Variants in DCUN1D1 observed in about 807,000 individuals in gnomAD.
DCUN1D1 encodes the protein defective in cullin neddylation 1 domain containing 1, also known as DCN1-like protein 1.
In DCUN1D1, 3 loss-of-function variants were observed where a neutral mutation model predicts 39.0. The ratio of observed to expected loss-of-function variants is 0.08; its 90% CI spans 0.04 to 0.20. The LOEUF (loss-of-function observed/expected upper bound fraction) is 0.20. Among genes scored for constraint, DCUN1D1 ranks in the 10% least tolerant of loss-of-function variants. DCUN1D1 has a pLI of 1.00. For missense variants in DCUN1D1, 158 were observed against 302.4 expected, an observed-to-expected ratio of 0.52 and a Z score of 3.54; for synonymous variants, 82 against 96.3, an observed-to-expected ratio of 0.85 and a Z score of 0.87.
chr3:182,975,773 C>G (rs1233454141), intron 1 of DCUN1D1, among the ~76,000 whole-genome samples: 1 of 147,214 alleles, frequency 6.8e-6, no homozygotes, highest in South Asian at 2.1e-4. Context: ...GAACCAGAGA[C>G]CAGGGTCCTA....
In DCUN1D1 at chr3:182,945,249, C is replaced by CT. The variant is rs556671532; in HGVS notation, c.701-77dup. 1.7e-3 allele frequency: 1,951 copies of CT among 1,159,434 alleles called. 34 individuals carry two copies. In the South Asian group the frequency reaches 0.019, roughly 11 times the overall value. The allele number at this position is 1,159,434 out of a possible 1,614,324, so 71.8% of individuals were successfully genotyped here. A position where few individuals can be genotyped will look rare whatever the true frequency, so the allele number is the denominator to read the frequency against. The stretch of plus-strand genomic sequence containing the variant: ...ATAAGGCTAACATTTTAGTAGAATC[C>CT]TTTTTTTAAGACTTCCTCATAAGCG... On this transcript the variant is annotated intron_variant, in intron 6 of 6. Coordinates refer to ENST00000292782, the MANE Select transcript of DCUN1D1 (RefSeq NM_020640.4).
upstream of DCUN1D1, chr3:182,980,681 G>T: frequency 1.5e-6 from 1 of 658,268 alleles, no homozygotes; most frequent in Non-Finnish European, 1.9e-6. Flanking sequence ...AGGGCGCCCC[G>T]CGCGGGGCTT....
intron 1 of DCUN1D1, among the ~76,000 whole-genome samples, chr3:182,971,689 T>C (rs1252083694): frequency 6.6e-6 from 1 of 152,170 alleles, no homozygotes; most frequent in African/African-American, 2.4e-5. Flanking sequence ...GGCACTGTGC[T>C]AGGTACTTAT....
intron 4 of DCUN1D1, among the ~76,000 whole-genome samples, chr3:182,954,737 G>GAT (rs1726940883): frequency 6.6e-6 from 1 of 152,150 alleles, no homozygotes; most frequent in Admixed American, 6.5e-5. Flanking sequence ...ATAAGTATGA[G>GAT]GCTTTTGCTA....
At chr3:182,951,618 A>C (rs113851504) in intron 4 of DCUN1D1, among the ~76,000 whole-genome samples, 640 of 14,696 alleles carry the variant, frequency 0.044, 5 homozygotes, top group African/African-American at 0.11. Context: ...CCTGTCTCCC[A>C]AAAAAAAAAA....
At chr3:182,980,611 C>T (rs1049183795), upstream of DCUN1D1, 401 of 1,061,500 alleles carry the variant, frequency 3.8e-4, no homozygotes, top group Non-Finnish European at 4.4e-4. Context: ...CGGGGCGGCC[C>T]GGCGCGGCCC....
rs6782277 is a variant in DCUN1D1 at position 182,963,619 on chromosome 3, A to T, written c.389+262T>A. ...GTCATTTCACTTTTCCATAGTAAAT[A>T]TTAATGCATAATTTTAATACTAATG... On this transcript the variant is annotated intron_variant, in intron 3 of 6. Transcript: ENST00000292782. 4.9e-3 allele frequency among the ~76,000 whole-genome samples: 753 copies of T among 152,348 alleles called. 11 individuals carry two copies. Among genetic ancestry groups the T allele is most frequent in the African/African-American group, 0.017 (718 of 41,574 alleles).
chr3:182,943,512 A>G lies in DCUN1D1; in HGVS notation c.*1582T>C, dbSNP rs1170725557. 1 of 152,518 alleles carries G rather than the reference A, an allele frequency of 6.6e-6. No homozygotes were observed. The highest frequency in any genetic ancestry group is 6.5e-5 in the Admixed American group (1 of 15,270). 9.4% of individuals were successfully genotyped at this position (152,518 alleles called of 1,614,324 possible). On this transcript the variant is annotated 3_prime_UTR_variant, in exon 7 of 7. Coordinates refer to ENST00000292782, the MANE Select transcript of DCUN1D1 (RefSeq NM_020640.4). ...CAAAATCATGTAAAAAGCAGTTTTG[A>G]TATGTCATTGTTTCTTAAAATAATT...
chr3:182,969,170 G>T lies in DCUN1D1; in HGVS notation c.4-3417C>A, dbSNP rs143344608. On this transcript the variant is annotated intron_variant, in intron 1 of 6. Coordinates refer to ENST00000292782, the MANE Select transcript of DCUN1D1 (RefSeq NM_020640.4). ...CAGCTCTCTGTTCCTAGAATACATTGTAACATTTGATTCCCTACTAAGGGA... is the reference window on the plus strand; with the variant it reads ...CAGCTCTCTGTTCCTAGAATACATTTTAACATTTGATTCCCTACTAAGGGA... Among the ~76,000 whole-genome samples, 573 of 152,258 alleles carry T rather than the reference G, an allele frequency of 3.8e-3. 1 individual carries two copies. Among genetic ancestry groups the T allele is most frequent in the Non-Finnish European group, 5.2e-3 (353 of 68,022 alleles).
intron 1 of DCUN1D1, among the ~76,000 whole-genome samples, chr3:182,978,136 G>A (rs1728336934): frequency 6.6e-6 from 1 of 151,718 alleles, no homozygotes; most frequent in South Asian, 2.1e-4. Context: ...TGGGGGGAGG[G>A]AGGAAGTTAA....
intron 4 of DCUN1D1, 124 bp from the exon 5 acceptor site, chr3:182,947,756 A>G: frequency 1.7e-6 from 1 of 591,446 alleles, no homozygotes; most frequent in Non-Finnish European, 2.9e-6. Flanking sequence ...TTGTATCCTG[A>G]ATACTTATGT....
intron 1 of DCUN1D1, among the ~76,000 whole-genome samples, chr3:182,970,200 G>A (rs1228800437): frequency 6.6e-6 from 1 of 152,046 alleles, no homozygotes; most frequent in African/African-American, 2.4e-5. Flanking sequence ...AGAGTTCAAG[G>A]CTGCAGTGAG....
upstream of DCUN1D1, among the ~76,000 whole-genome samples, chr3:182,983,170 C>T (rs1190010061): frequency 6.6e-6 from 1 of 152,110 alleles, no homozygotes; most frequent in Non-Finnish European, 1.5e-5. Context: ...CCCAAATGCA[C>T]CTCATATTTC....
At position 182,963,985 on chromosome 3, in the gene DCUN1D1, G is replaced by A. The variant is rs1185736925; in HGVS notation, c.285C>T (p.Leu95=). The change falls in exon 3 of 7, where the codon CTC becomes CTT. Residue 95 remains leucine (L), a synonymous_variant. Transcript: ENST00000292782. ...TCAACACACTAATGCTGGCTGGATC[G>A]AGTGCCAGGTCATCACAGAACTGCT... ...GIQQFCDDLA[L]DPASISVLII... 2 of 1,613,862 alleles carry A rather than the reference G, an allele frequency of 1.2e-6. No individual in the cohort carries two copies. The highest frequency in any genetic ancestry group is 1.7e-6 in the Non-Finnish European group (2 of 1,179,906).
intron 4 of DCUN1D1, among the ~76,000 whole-genome samples, chr3:182,948,311 C>T (rs1307998863): frequency 1.3e-5 from 2 of 152,170 alleles, no homozygotes; most frequent in African/African-American, 4.8e-5. Flanking sequence ...CCAAGAATTT[C>T]TTAAAGTTTG....
rs745926437 is a variant in DCUN1D1 at position 182,965,559 on chromosome 3, T to A, written c.198A>T (p.Glu66Asp). The A allele has an allele frequency of 6.2e-7, 1 of 1,613,272 alleles. No individual in the cohort carries two copies. The highest frequency in any genetic ancestry group is 8.5e-7 in the Non-Finnish European group (1 of 1,179,376). ...CACCTTTGTATCTATTGTACAGCTGTTCTAACTTCTTCCTGTCCAATGATC... is the reference window on the plus strand; with the variant it reads ...CACCTTTGTATCTATTGTACAGCTGATCTAACTTCTTCCTGTCCAATGATC... ...VKGSLDRKKLEQLYNRYKDPQ... is the reference protein window; with the variant it reads ...VKGSLDRKKLDQLYNRYKDPQ... Residue 66 changes from glutamate to aspartate, a missense_variant, in exon 2 of 7, where the codon GAA becomes GAT. By Grantham distance (45) the Glu-to-Asp change is conservative. Around this residue, in one of 4 missense-constraint regions of DCUN1D1, gnomAD observed 107 missense variants for 174.7 expected, o/e 0.61. Transcript: ENST00000292782.
At chr3:182,978,451 A>ACAGCAGCCTCAACCTCC (rs1022746529) in intron 1 of DCUN1D1, among the ~76,000 whole-genome samples, 4 of 152,154 alleles carry the variant, frequency 2.6e-5, no homozygotes, top group African/African-American at 9.7e-5. Context: ...GGCAGGGCTC[A>ACAGCAGCCTCAACCTCC]CAGCAGCCTC....
In DCUN1D1 at chr3:182,975,411, T is replaced by C. The variant is rs562662685; in HGVS notation, c.3+5076A>G. On this transcript the variant is annotated intron_variant, in intron 1 of 6. Coordinates refer to ENST00000292782, the MANE Select transcript of DCUN1D1 (RefSeq NM_020640.4). ...CAGGATGGTCTTGATCTCCTGACCT[T>C]GTGATCCGCCCGCCTCAGCCCCCCG... 2.5e-3 allele frequency among the ~76,000 whole-genome samples: 382 copies of C among 151,818 alleles called. 1 individual carries two copies. The highest frequency in any genetic ancestry group is 7.0e-3 in the African/African-American group (292 of 41,420).
intron 1 of DCUN1D1, among the ~76,000 whole-genome samples, chr3:182,977,623 A>G: frequency 6.6e-6 from 1 of 151,972 alleles, no homozygotes; most frequent in East Asian, 2.0e-4. Flanking sequence ...TTTAGTAGAG[A>G]CGGGGTTTCA....
Sources: gnomAD v4.1 joint callset for allele counts (sites outside exome capture counted in the v4.1 genomes callset) on GRCh38, gnomAD v4.1.1 for gene constraint, gnomAD v4.1.1 regional missense constraint, MANE v1.5 for transcripts, NCBI Gene and HGNC (gene_info 2026-07-23, HGNC 2026-07-21) for gene names.